The following SCN8A variants were observed in gnomAD, a reference collection of about 807,000 sequenced individuals.
SCN8A encodes the protein sodium channel protein type 8 subunit alpha.
SCN8A carries 30 observed loss-of-function variants against 184.1 expected under a neutral mutation model. That is an observed-to-expected ratio of 0.16 (90% confidence interval 0.12 to 0.22). The LOEUF is 0.22. SCN8A is among the 10% of genes least tolerant of loss of function. The pLI is 1.00. For missense variants in SCN8A, 1,057 were observed against 2,498.9 expected, an observed-to-expected ratio of 0.42 and a Z score of 12.30; for synonymous variants, 852 against 907.0, an observed-to-expected ratio of 0.94 and a Z score of 1.09.
At chr12:51,670,616 G>A (rs1258691963) in intron 2 of SCN8A, among the ~76,000 whole-genome samples, 3 of 152,208 alleles carry the variant, frequency 2.0e-5, no homozygotes, top group South Asian at 4.2e-4. Flanking sequence ...TGGGAGTAAG[G>A]ATACGTGATG....
At chr12:51,776,254 A>G (rs751028283) in intron 20 of SCN8A, among the ~76,000 whole-genome samples, 3 of 152,224 alleles carry the variant, frequency 2.0e-5, no homozygotes, top group Non-Finnish European at 2.9e-5. Context: ...GACATGAGCC[A>G]CTGTGCCAAG....
intron 13 of SCN8A, 55 bp downstream of exon 13, chr12:51,746,090 T>C: frequency 6.7e-7 from 1 of 1,495,896 alleles, no homozygotes; most frequent in South Asian, 1.4e-5. Flanking sequence ...GTAATGTGCA[T>C]GGTAAATATA....
Position 51,788,287 on chromosome 12 carries a change from C to CT in SCN8A, c.4228-387dup, listed in dbSNP as rs66672221. ...TTTTCCAACCCCCATCGCTTAACAC[C>CT]TTTTTTTTTTTTTTTTTTTTTGCTT... On this transcript the variant is annotated intron_variant, in intron 22 of 26. Transcript: ENST00000627620. Among the ~76,000 whole-genome samples, 675 of 84,016 alleles carry CT rather than the reference C, an allele frequency of 8.0e-3. 6 individuals carry two copies. The highest frequency in any genetic ancestry group is 0.024 in the Middle Eastern group (3 of 124). The allele number at this position is 84,016 out of a possible 152,430, so 55.1% of individuals were successfully genotyped here.
intron 1 of SCN8A, among the ~76,000 whole-genome samples, chr12:51,658,231 T>G (rs1940860422): frequency 6.6e-6 from 1 of 152,178 alleles, no homozygotes; most frequent in Non-Finnish European, 1.5e-5. Flanking sequence ...ACAATATTAA[T>G]TCTTGCAGTT....
intron 12 of SCN8A, among the ~76,000 whole-genome samples, chr12:51,732,120 G>C (rs569446564): frequency 6.6e-6 from 1 of 151,986 alleles, no homozygotes. Context: ...GTGCTTGTAG[G>C]GTATTATTCA....
chr12:51,592,327 G>C (rs1423602052), intron 1 of SCN8A, among the ~76,000 whole-genome samples: 1 of 151,810 alleles, frequency 6.6e-6, no homozygotes, highest in Non-Finnish European at 1.5e-5. Flanking sequence ...ACTTTCCAGG[G>C]GTTAGCCAGG....
intron 26 of SCN8A, among the ~76,000 whole-genome samples, chr12:51,805,563 G>A (rs1938675827): frequency 6.6e-6 from 1 of 152,118 alleles, no homozygotes. Flanking sequence ...TCAGCATTGT[G>A]GATGCTTCAT....
intron 2 of SCN8A, among the ~76,000 whole-genome samples, chr12:51,675,700 G>A (rs1400069962): frequency 3.9e-5 from 6 of 152,188 alleles, no homozygotes; most frequent in Admixed American, 3.9e-4. Context: ...TTAGATTTGA[G>A]TAATAGTTTT....
intron 4 of SCN8A, 125 bp from the exon 5 acceptor site, chr12:51,686,966 A>G: frequency 1.1e-6 from 1 of 906,654 alleles, no homozygotes; most frequent in Non-Finnish European, 1.7e-6. Context: ...TTCCTGCTGC[A>G]TTGGCTGTGC....
At chr12:51,618,496 C>T (rs916564303) in intron 1 of SCN8A, among the ~76,000 whole-genome samples, 3 of 116,892 alleles carry the variant, frequency 2.6e-5, no homozygotes, top group African/African-American at 8.9e-5. Context: ...CACACACACA[C>T]ACACACACAC....
At position 51,788,691 on chromosome 12, in the gene SCN8A, C is replaced by A; in HGVS notation, c.4228-4C>A. The A allele has an allele frequency of 6.2e-7, 1 of 1,604,200 alleles. No homozygotes were observed. The highest frequency in any genetic ancestry group is 8.5e-7 in the Non-Finnish European group (1 of 1,174,328). On this transcript the variant is annotated splice_region_variant and splice_polypyrimidine_tract_variant and intron_variant, in intron 22 of 26. Transcript: ENST00000627620. ...ACCGTCTAATGACTGACTCTGTTTGCCAGGCAACCTTCAAAGGCTGGATGG... is the reference window on the plus strand; with the variant it reads ...ACCGTCTAATGACTGACTCTGTTTGACAGGCAACCTTCAAAGGCTGGATGG...
intron 1 of SCN8A, among the ~76,000 whole-genome samples, chr12:51,638,548 G>A (rs1279355224): frequency 2.0e-5 from 3 of 150,928 alleles, no homozygotes; most frequent in Admixed American, 6.6e-5. Context: ...GTATAGTGGC[G>A]TGATCTTGGC....
chr12:51,793,889 A>G (rs533109471), intron 25 of SCN8A, among the ~76,000 whole-genome samples: 2 of 151,492 alleles, frequency 1.3e-5, no homozygotes, highest in East Asian at 2.0e-4. Flanking sequence ...TCACACCTGT[A>G]ATCCTAGCAT....
chr12:51,790,908 G>C (rs771962531), intron 25 of SCN8A, among the ~76,000 whole-genome samples: 4 of 152,194 alleles, frequency 2.6e-5, no homozygotes, highest in Non-Finnish European at 5.9e-5. Flanking sequence ...TGTCTTTGCA[G>C]GATGTATCTA....
chr12:51,635,067 C>A (rs551274118), intron 1 of SCN8A, among the ~76,000 whole-genome samples: 1 of 152,320 alleles, frequency 6.6e-6, no homozygotes, highest in Admixed American at 6.5e-5. Flanking sequence ...ACTTCCTAGT[C>A]AGAAGAAATT....
intron 9 of SCN8A, 21 bp downstream of exon 9, chr12:51,702,935 T>G: frequency 6.3e-7 from 1 of 1,577,174 alleles, no homozygotes; most frequent in East Asian, 2.3e-5. Context: ...CCTCTTTTCC[T>G]TTGGCCATAG....
chr12:51,604,150 A>G (rs1939531373), intron 1 of SCN8A, among the ~76,000 whole-genome samples: 1 of 151,914 alleles, frequency 6.6e-6, no homozygotes, highest in East Asian at 1.9e-4. Context: ...CAAATTCAAG[A>G]TGTTCTTGGT....
chr12:51,610,790 T>C (rs1767926583), intron 1 of SCN8A, among the ~76,000 whole-genome samples: 1 of 152,246 alleles, frequency 6.6e-6, no homozygotes, highest in South Asian at 2.1e-4. Context: ...TTTTCCTTTA[T>C]AGGTTACCTG....
chr12:51,610,631 G>A (rs1352667210), intron 1 of SCN8A, among the ~76,000 whole-genome samples: 2 of 152,138 alleles, frequency 1.3e-5, no homozygotes, highest in East Asian at 3.9e-4. Flanking sequence ...GAAAAAGACT[G>A]TATCTTTCCT....
Sources: gnomAD v4.1 joint callset for allele counts (sites outside exome capture counted in the v4.1 genomes callset) on GRCh38, gnomAD v4.1.1 for gene constraint, MANE v1.5 for transcripts, NCBI Gene and HGNC (gene_info 2026-07-23, HGNC 2026-07-21) for gene names.